The following CCDC149 variants were observed in gnomAD, a reference collection of about 807,000 sequenced individuals.
The protein encoded by CCDC149 is coiled-coil domain-containing protein 149.
Under a neutral mutation model 59.9 loss-of-function variants are expected in CCDC149, and 45 were observed. That is an observed-to-expected ratio of 0.75 (90% CI 0.59 to 0.96). The LOEUF (loss-of-function observed/expected upper bound fraction) is 0.96. Among genes scored for constraint, CCDC149 ranks in the 40% least tolerant of loss-of-function variants. The pLI is 0.00. For synonymous variants in CCDC149, 245 were observed against 260.6 expected (o/e 0.94, Z 0.58); for missense variants, 584 against 664.7 (o/e 0.88, Z 1.33).
At chr4:24,959,678 T>C (rs896601503) in intron 1 of CCDC149, among the ~76,000 whole-genome samples, 2 of 152,192 alleles carry the variant, frequency 1.3e-5, no homozygotes, top group Admixed American at 6.5e-5. Context: ...TTTATACATG[T>C]TATGGACAGA....
chr4:24,865,069 A>G (rs939661257), intron 3 of CCDC149, among the ~76,000 whole-genome samples: 2 of 152,204 alleles, frequency 1.3e-5, no homozygotes, highest in African/African-American at 4.8e-5. Flanking sequence ...AAAGTCTGGT[A>G]ACATACCTCT....
At chr4:24,825,555 C>T (rs992777691) in intron 9 of CCDC149, among the ~76,000 whole-genome samples, 4 of 152,012 alleles carry the variant, frequency 2.6e-5, no homozygotes, top group South Asian at 4.2e-4. Flanking sequence ...AGGCGGATCA[C>T]GAGGTCAGGA....
At chr4:24,887,110 T>C (rs921977764) in intron 1 of CCDC149, among the ~76,000 whole-genome samples, 10 of 152,032 alleles carry the variant, frequency 6.6e-5, no homozygotes, top group Non-Finnish European at 4.4e-5. Flanking sequence ...GCCCAAACCA[T>C]TGGCCATTGA....
At chr4:24,928,535 A>G (rs1722493767) in intron 1 of CCDC149, among the ~76,000 whole-genome samples, 1 of 152,198 alleles carries the variant, frequency 6.6e-6, no homozygotes, top group South Asian at 2.1e-4. Flanking sequence ...CATTGTCAAT[A>G]TATGAATCTA....
chr4:24,903,596 T>C (rs1308538968), intron 1 of CCDC149, among the ~76,000 whole-genome samples: 2 of 152,200 alleles, frequency 1.3e-5, no homozygotes, highest in African/African-American at 2.4e-5. Context: ...AGGTATAATT[T>C]GGAGAAAATT....
chr4:24,876,727 T>A lies in CCDC149; in HGVS notation c.64-30A>T, dbSNP rs773326907. On this transcript the variant is annotated intron_variant, in intron 1 of 12. Transcript: ENST00000635206. ...AAAGCAAACAAATCCAGGCAATGGG[T>A]CAAAAACATCCATGGGCCTCCATTA... 9 of 1,578,400 alleles carry A rather than the reference T, an allele frequency of 5.7e-6. 1 individual carries two copies. In the South Asian group the frequency reaches 1.0e-4, roughly 18 times the overall value.
intron 1 of CCDC149, among the ~76,000 whole-genome samples, chr4:24,928,660 G>A (rs1156327318): frequency 1.3e-5 from 2 of 152,096 alleles, no homozygotes; most frequent in Admixed American, 6.5e-5. Context: ...CCCCTGCTTG[G>A]AATGCTCTTC....
intron 3 of CCDC149, among the ~76,000 whole-genome samples, chr4:24,864,400 T>C (rs1376994749): frequency 6.6e-6 from 1 of 152,182 alleles, no homozygotes; most frequent in African/African-American, 2.4e-5. Flanking sequence ...TTCTGACAAC[T>C]GGATAACCTC....
rs1376907787 is a variant in CCDC149 at position 24,835,555 on chromosome 4, G to A, written c.736-523C>T. On this transcript the variant is annotated intron_variant, in intron 7 of 12. Transcript: ENST00000635206. ...AATTGATATGTAGCATCTAGCCAGTGCTTGGCACATAGAACTGAATAAATG... is the reference window on the plus strand; with the variant it reads ...AATTGATATGTAGCATCTAGCCAGTACTTGGCACATAGAACTGAATAAATG... 3.3e-5 allele frequency among the ~76,000 whole-genome samples: 5 copies of A among 152,348 alleles called. No homozygotes were observed. The East Asian group carries it at 7.7e-4, about 23-fold the overall frequency.
chr4:24,924,157 G>A (rs1722373489), intron 1 of CCDC149, among the ~76,000 whole-genome samples: 1 of 151,836 alleles, frequency 6.6e-6, no homozygotes, highest in Admixed American at 6.6e-5. Flanking sequence ...TAGCTGGGTA[G>A]CCATTTGCCA....
intron 1 of CCDC149, among the ~76,000 whole-genome samples, chr4:24,958,081 T>C (rs1723519137): frequency 6.6e-6 from 1 of 152,190 alleles, no homozygotes; most frequent in Non-Finnish European, 1.5e-5. Context: ...GGTTCATGAA[T>C]GAAGTAGTCA....
intron 1 of CCDC149, among the ~76,000 whole-genome samples, chr4:24,908,531 CAAAAAAAA>C (rs5856870): frequency 1.7e-5 from 2 of 115,350 alleles, no homozygotes; most frequent in African/African-American, 6.2e-5. Flanking sequence ...TCTATCTCTA[CAAAAAAAA>C]AAAAAAAAAA....
intron 1 of CCDC149, among the ~76,000 whole-genome samples, chr4:24,956,373 C>G (rs1302115154): frequency 1.4e-5 from 2 of 147,712 alleles, no homozygotes; most frequent in African/African-American, 5.2e-5. Context: ...TTAAAGGCTG[C>G]TGACAACCTT....
At chr4:24,888,769 G>T (rs563619594) in intron 1 of CCDC149, among the ~76,000 whole-genome samples, 1 of 152,084 alleles carries the variant, frequency 6.6e-6, no homozygotes, top group Non-Finnish European at 1.5e-5. Context: ...TCCTGCCCAC[G>T]CCTATAGTCC....
intron 1 of CCDC149, among the ~76,000 whole-genome samples, chr4:24,877,226 T>A (rs765087680): frequency 6.6e-6 from 1 of 152,040 alleles, no homozygotes; most frequent in Admixed American, 6.6e-5. Flanking sequence ...TGCTCTGTCA[T>A]CCAGGCTGGA....
At chr4:24,963,262 G>A (rs73105519) in intron 1 of CCDC149, among the ~76,000 whole-genome samples, 11 of 151,588 alleles carry the variant, frequency 7.3e-5, no homozygotes, top group Non-Finnish European at 1.5e-4. Flanking sequence ...GCCAAGGTAG[G>A]TCAGTAAGAC....
chr4:24,918,465 G>A (rs1722194683), intron 1 of CCDC149, among the ~76,000 whole-genome samples: 1 of 152,152 alleles, frequency 6.6e-6, no homozygotes, highest in Admixed American at 6.5e-5. Context: ...CCCTCTCCCA[G>A]TTGGTAGCAA....
upstream of CCDC149, among the ~76,000 whole-genome samples, chr4:24,913,884 C>T (rs185001047): frequency 4.6e-5 from 7 of 152,340 alleles, no homozygotes; most frequent in Admixed American, 2.0e-4. Flanking sequence ...AGGTGAATCA[C>T]ACACATAAGT....
rs886683839 is a variant in CCDC149 at position 24,979,108 on chromosome 4, G to A, written c.-65+961C>T. Among the ~76,000 whole-genome samples the A allele has an allele frequency of 3.3e-5, 5 of 152,206 alleles. No homozygotes were observed. The East Asian group carries it at 9.6e-4, about 29-fold the overall frequency. ...AAGGGTGAATTAATGAGGCCACCAT[G>A]GGGGACATGGATTCAGTGTCTTGGG... is the stretch of plus-strand genomic sequence containing the variant. On this transcript the variant is annotated intron_variant, in intron 1 of 12. Coordinates refer to the CCDC149 transcript ENST00000389609.
Sources: allele counts gnomAD v4.1 joint callset (sites outside exome capture counted in the v4.1 genomes callset), GRCh38; gene constraint gnomAD v4.1.1; transcripts MANE v1.5; gene names NCBI Gene and HGNC (gene_info 2026-07-23, HGNC 2026-07-21).